Variants in HS6ST3 observed in about 807,000 individuals in gnomAD.
The protein encoded by HS6ST3 is heparan sulfate 6-O-sulfotransferase 3.
Under a neutral mutation model 36.7 loss-of-function variants are expected in HS6ST3, and 12 were observed. The observed-to-expected ratio is 0.33, with a 90% CI of 0.21 to 0.53. The LOEUF is 0.53. HS6ST3 is among the 20% of genes least tolerant of loss of function. The pLI is 0.95. For missense variants in HS6ST3, 584 were observed against 640.9 expected (o/e 0.91, Z 0.96); for synonymous variants, 240 against 257.5 (o/e 0.93, Z 0.65).
chr13:96,584,960 A>G (rs1037783940), intron 1 of HS6ST3, among the ~76,000 whole-genome samples: 2 of 152,182 alleles, frequency 1.3e-5, no homozygotes, highest in Non-Finnish European at 2.9e-5. Flanking sequence ...AATTTCACAA[A>G]TGAAATTTAG....
intron 1 of HS6ST3, among the ~76,000 whole-genome samples, chr13:96,306,562 C>T (rs967268630): frequency 6.6e-6 from 1 of 152,064 alleles, no homozygotes. Flanking sequence ...TATGAAGGTG[C>T]GTTAGATTCT....
chr13:96,289,980 C>A (rs996813025), intron 1 of HS6ST3, among the ~76,000 whole-genome samples: 1 of 152,128 alleles, frequency 6.6e-6, no homozygotes, highest in Non-Finnish European at 1.5e-5. Flanking sequence ...CCCCATATGA[C>A]CCTTCTCAAA....
intron 1 of HS6ST3, among the ~76,000 whole-genome samples, chr13:96,203,689 C>T (rs2054354738): frequency 6.6e-6 from 1 of 152,146 alleles, no homozygotes; most frequent in Admixed American, 6.5e-5. Context: ...ATACCATATG[C>T]CAAATGCCTT....
chr13:96,095,061 A>T (rs2053783211), intron 1 of HS6ST3, among the ~76,000 whole-genome samples: 1 of 152,224 alleles, frequency 6.6e-6, no homozygotes, highest in Non-Finnish European at 1.5e-5. Flanking sequence ...ATCTAGTCCC[A>T]CATTTTTCAT....
intron 1 of HS6ST3, among the ~76,000 whole-genome samples, chr13:96,454,073 G>C (rs1199232152): frequency 6.6e-6 from 1 of 152,080 alleles, no homozygotes; most frequent in Non-Finnish European, 1.5e-5. Flanking sequence ...CCCACCCCTA[G>C]CTTACCCTTG....
chr13:96,178,216 C>T (rs1157993815), intron 1 of HS6ST3, among the ~76,000 whole-genome samples: 2 of 152,016 alleles, frequency 1.3e-5, no homozygotes, highest in Non-Finnish European at 2.9e-5. Flanking sequence ...TCCTTTTGAA[C>T]CTTTTATATG....
rs751692865 is a variant in HS6ST3, at chr13:96,762,504, A to T, written c.708-69986A>T. ...CAAAAAACAAAACAAAAAATGCTCT[A>T]AATATTGAGTGTGTTGGGACACAAA... On this transcript the variant is annotated intron_variant, in intron 1 of 1. Coordinates refer to ENST00000376705, the MANE Select transcript of HS6ST3 (RefSeq NM_153456.4). Among the ~76,000 whole-genome samples, 87 of 152,158 alleles carry T rather than the reference A, an allele frequency of 5.7e-4. 1 individual carries two copies. The highest frequency in any genetic ancestry group is 2.1e-4 in the Non-Finnish European group (14 of 68,022).
intron 1 of HS6ST3, among the ~76,000 whole-genome samples, chr13:96,734,637 T>A (rs549884788): frequency 1.1e-5 from 1 of 94,294 alleles, no homozygotes; most frequent in South Asian, 2.8e-4. Flanking sequence ...TAAAGCACAG[T>A]TGATTATAAA....
At chr13:96,712,983 C>G (rs143686911) in intron 1 of HS6ST3, among the ~76,000 whole-genome samples, 2 of 152,292 alleles carry the variant, frequency 1.3e-5, no homozygotes, top group African/African-American at 4.8e-5. Context: ...ATGACTCCTA[C>G]TGAGTAACAT....
chr13:96,197,152 A>G (rs983281879), intron 1 of HS6ST3, among the ~76,000 whole-genome samples: 4 of 152,230 alleles, frequency 2.6e-5, no homozygotes, highest in South Asian at 4.1e-4. Flanking sequence ...GTCCATTTTC[A>G]TGCTGCTGAT....
At chr13:96,662,691 C>G (rs553133980) in intron 1 of HS6ST3, among the ~76,000 whole-genome samples, 1 of 152,120 alleles carries the variant, frequency 6.6e-6, no homozygotes, top group Non-Finnish European at 1.5e-5. Flanking sequence ...TCACAACACT[C>G]AATCTTTTAA....
chr13:96,711,176 C>A (rs1875552412), intron 1 of HS6ST3, among the ~76,000 whole-genome samples: 1 of 152,146 alleles, frequency 6.6e-6, no homozygotes, highest in South Asian at 2.1e-4. Flanking sequence ...CAGGCAGTAA[C>A]CTCAGCCTGG....
intron 1 of HS6ST3, among the ~76,000 whole-genome samples, chr13:96,215,372 CA>C (rs2054419816): frequency 6.6e-6 from 1 of 152,108 alleles, no homozygotes; most frequent in South Asian, 2.1e-4. Context: ...TTGGTCATTC[CA>C]TTAAATTGAA....
intron 1 of HS6ST3, among the ~76,000 whole-genome samples, chr13:96,419,718 T>C (rs1161324623): frequency 6.6e-6 from 1 of 152,134 alleles, no homozygotes; most frequent in Non-Finnish European, 1.5e-5. Context: ...CTCTTCTAGC[T>C]TCTGGTGTTT....
At chr13:96,265,353 C>CT (rs1427261538) in intron 1 of HS6ST3, among the ~76,000 whole-genome samples, 1 of 151,620 alleles carries the variant, frequency 6.6e-6, no homozygotes, top group African/African-American at 2.4e-5. Context: ...TAAAAATTTT[C>CT]TTTTTTTATA....
chr13:96,692,411 A>G (rs908515284), intron 1 of HS6ST3, among the ~76,000 whole-genome samples: 2 of 152,174 alleles, frequency 1.3e-5, no homozygotes, highest in African/African-American at 4.8e-5. Context: ...TGTTCACTAC[A>G]GAAACTTTTT....
At chr13:96,563,784 T>C (rs931495733) in intron 1 of HS6ST3, among the ~76,000 whole-genome samples, 1 of 152,206 alleles carries the variant, frequency 6.6e-6, no homozygotes, top group Admixed American at 6.5e-5. Flanking sequence ...ACAGTCTCTA[T>C]GTTGATAGGT....
At chr13:96,830,172 A>T (rs561516707) in intron 1 of HS6ST3, among the ~76,000 whole-genome samples, 1 of 152,174 alleles carries the variant, frequency 6.6e-6, no homozygotes, top group Non-Finnish European at 1.5e-5. Flanking sequence ...CAAGTATTCC[A>T]AGCACGTTTA....
chr13:96,579,700 C>A (rs2056334799), intron 1 of HS6ST3, among the ~76,000 whole-genome samples: 1 of 152,034 alleles, frequency 6.6e-6, no homozygotes, highest in South Asian at 2.1e-4. Flanking sequence ...CAAGAAATAC[C>A]ATTATTTTTT....
Sources: gnomAD v4.1 joint callset for allele counts (sites outside exome capture counted in the v4.1 genomes callset) on GRCh38, gnomAD v4.1.1 for gene constraint, MANE v1.5 for transcripts, NCBI Gene and HGNC (gene_info 2026-07-23, HGNC 2026-07-21) for gene names.